USP31: variants seen among roughly 807,000 people sequenced by gnomAD.
USP31 encodes ubiquitin carboxyl-terminal hydrolase 31.
A neutral mutation model predicts 119.4 loss-of-function variants in USP31; 44 were observed. The observed-to-expected ratio is 0.37, with a 90% CI of 0.29 to 0.47. The LOEUF is 0.47. Among genes scored for constraint, USP31 ranks in the 20% least tolerant of loss-of-function variants. The pLI is 0.99. For synonymous variants in USP31, 749 were observed against 705.6 expected (o/e 1.06, Z -0.97); for missense variants, 1,643 against 1,730.2 (o/e 0.95, Z 0.89).
chr16:23,114,002 G>A (rs950698423), intron 1 of USP31, among the ~76,000 whole-genome samples: 4 of 152,058 alleles, frequency 2.6e-5, no homozygotes, highest in African/African-American at 9.7e-5. Flanking sequence ...CTATTTAGGC[G>A]ACTGAGGCAG....
chr16:23,100,377 T>C (rs766335753), intron 6 of USP31, among the ~76,000 whole-genome samples: 1 of 152,180 alleles, frequency 6.6e-6, no homozygotes, highest in African/African-American at 2.4e-5. Flanking sequence ...CATGAATGAA[T>C]CTTGAAAACA....
In USP31 at chr16:23,068,597, C is replaced by T. The variant is rs751323238; in HGVS notation, c.3508G>A (p.Ala1170Thr). 2.1e-5 allele frequency: 34 copies of T among 1,614,154 alleles called. No homozygotes were observed. The highest frequency in any genetic ancestry group is 1.4e-4 in the South Asian group (13 of 91,086). The change falls in exon 16 of 16, where the codon GCC becomes ACC. Residue 1170 changes from alanine to threonine, a missense_variant. Physicochemically the swap from Ala to Thr is moderately conservative, Grantham distance 58. This residue lies in a region of USP31 where 699 missense variants were observed against 650.9 expected (regional missense o/e 1.07). Transcript: ENST00000219689. ...RQSLGSDRAS[A>T]TSTSKPNSPR... ...GAATTGGGTTTGGAGGTGGAGGTGG[C>T]GCTGGCTCTGTCAGAACCCAAGCTT...
Position 23,084,424 on chromosome 16 carries a change from C to T in USP31, c.1830+436G>A, listed in dbSNP as rs1020941993. On this transcript the variant is annotated intron_variant, in intron 11 of 15. Transcript: ENST00000219689. ...AGCACTTGAAACATGACTAATGCAA[C>T]GAAGGAACTGAATTATTTACTTCAC... Among the ~76,000 whole-genome samples, 15 of 152,212 alleles carry T rather than the reference C, an allele frequency of 9.9e-5. No homozygotes were observed. In the East Asian group the frequency reaches 1.2e-3, roughly 12 times the overall value.
At chr16:23,148,521 G>T in intron 1 of USP31, 117 bp downstream of exon 1, 1 of 1,322,762 alleles carries the variant, frequency 7.6e-7, no homozygotes, top group Non-Finnish European at 9.7e-7. Flanking sequence ...CAGACCACTC[G>T]GAGCAACCAA....
chr16:23,089,006 A>T (rs1901234783), intron 7 of USP31, among the ~76,000 whole-genome samples: 1 of 152,206 alleles, frequency 6.6e-6, no homozygotes, highest in Non-Finnish European at 1.5e-5. Context: ...CTGCCTAAAA[A>T]CTACTGTGAG....
intron 6 of USP31, among the ~76,000 whole-genome samples, chr16:23,091,709 T>C (rs1230804931): frequency 6.6e-6 from 1 of 152,072 alleles, no homozygotes; most frequent in Non-Finnish European, 1.5e-5. Flanking sequence ...AAGTACATAG[T>C]TAATGCCAAT....
intron 15 of USP31, 66 bp from the exon 16 acceptor site, chr16:23,069,682 C>A: frequency 2.0e-6 from 3 of 1,512,848 alleles, no homozygotes; most frequent in Non-Finnish European, 2.7e-6. Flanking sequence ...CACTGTAAGA[C>A]ACTGAAGGTG....
chr16:23,100,793 C>A (rs1901818757), intron 6 of USP31, among the ~76,000 whole-genome samples: 1 of 152,012 alleles, frequency 6.6e-6, no homozygotes, highest in Admixed American at 6.6e-5. Context: ...TAGAGCTTGG[C>A]AGGATGGGGA....
At position 23,108,075 on chromosome 16, in the gene USP31, C is replaced by T. The variant is rs202002996; in HGVS notation, c.742G>A (p.Val248Met). 6.2e-7 allele frequency: 1 copy of T among 1,613,960 alleles called. No individual in the cohort carries two copies. The highest frequency in any genetic ancestry group is 1.7e-5 in the Admixed American group (1 of 59,966). ...DRVHEDLNHS[V>M]KQSGQPPLKP... ...AGAGGAGGCTGGCCACTCTGCTTCA[C>T]TGAATGGTTGAGGTCTTCATGAACT... Residue 248 changes from valine (V) to methionine (M), a missense_variant, in exon 2 of 16, where the codon GTG becomes ATG. Around this residue, in one of 5 missense-constraint regions of USP31, gnomAD observed 144 missense variants for 218.0 expected, o/e 0.66. Transcript: ENST00000219689.
intron 14 of USP31, among the ~76,000 whole-genome samples, chr16:23,073,357 G>C (rs559648000): frequency 6.6e-6 from 1 of 152,286 alleles, no homozygotes; most frequent in South Asian, 2.1e-4. Flanking sequence ...TATTACACCT[G>C]TATTATAGAT....
intron 15 of USP31, among the ~76,000 whole-genome samples, chr16:23,070,943 C>T (rs779400982): frequency 6.6e-5 from 10 of 152,148 alleles, no homozygotes; most frequent in Non-Finnish European, 1.0e-4. Context: ...ACCAACTGCA[C>T]TGCTTAAAAA....
rs769901313 is a variant in USP31, at chr16:23,085,543, TA to T, written c.1700+41del. On this transcript the variant is annotated intron_variant, in intron 10 of 15. Coordinates refer to ENST00000219689, the MANE Select transcript of USP31 (RefSeq NM_020718.4). ...AAAGGTGTGCTATAAAAATGATAAT[TA>T]AAACAATGTTTCTATAAACACTAAC... 5.8e-6 allele frequency: 9 copies of T among 1,541,116 alleles called. No homozygotes were observed. In the African/African-American group the frequency reaches 1.2e-4, roughly 21 times the overall value.
At chr16:23,139,187 G>C (rs1196146479) in intron 1 of USP31, among the ~76,000 whole-genome samples, 1 of 152,170 alleles carries the variant, frequency 6.6e-6, no homozygotes, top group Non-Finnish European at 1.5e-5. Context: ...TGGACCACCT[G>C]AGGTCAGGAG....
rs13332964 is a variant in USP31 at position 23,114,122 on chromosome 16, G to A, written c.634-5939C>T. Among the ~76,000 whole-genome samples the A allele has an allele frequency of 9.2e-3, 1,398 of 151,914 alleles. 18 individuals carry two copies. The highest frequency in any genetic ancestry group is 0.029 in the African/African-American group (1,212 of 41,410). ...CCTTACTCAAAAAAAAAAAAATGGT[G>A]ATTCTTTGGTAAGGGGAAAAGGAGA... is the stretch of plus-strand genomic sequence containing the variant. On this transcript the variant is annotated intron_variant, in intron 1 of 15. Transcript: ENST00000219689.
rs1276852369 is a variant in USP31 at position 23,125,044 on chromosome 16, T to C, written c.634-16861A>G. On this transcript the variant is annotated intron_variant, in intron 1 of 15. Coordinates refer to ENST00000219689, the MANE Select transcript of USP31 (RefSeq NM_020718.4). ...TATGGTGATATTTTGCAAGATCCTT[T>C]CCACACCTCTCTCCTACCAGCATCC... 2.6e-5 allele frequency among the ~76,000 whole-genome samples: 4 copies of C among 152,328 alleles called. No individual in the cohort carries two copies. In the South Asian group the frequency reaches 8.3e-4, roughly 32 times the overall value.
intron 1 of USP31, among the ~76,000 whole-genome samples, chr16:23,127,893 T>C (rs1002946393): frequency 6.6e-6 from 1 of 152,182 alleles, no homozygotes; most frequent in Admixed American, 6.5e-5. Context: ...ATATATGCTA[T>C]GGACAAAAAA....
chr16:23,129,680 T>G (rs570083080), intron 1 of USP31, among the ~76,000 whole-genome samples: 6 of 152,356 alleles, frequency 3.9e-5, no homozygotes, highest in Non-Finnish European at 7.3e-5. Context: ...AAAGGTTTTC[T>G]GAACATTTGG....
chr16:23,108,178 A>G lies in USP31; in HGVS notation c.639T>C (p.Ile213=). The part of the protein sequence containing the change: ...TPQHSRDFKT[I]VSKNALQYRG... ...GGTACTGCAGTGCATTCTTTGACAC[A>G]ATAGTCTATGCAGGTAAATAAATCA... Residue 213 remains isoleucine, a synonymous_variant, in exon 2 of 16, where the codon ATT becomes ATC. Coordinates refer to ENST00000219689, the MANE Select transcript of USP31 (RefSeq NM_020718.4). The G allele has an allele frequency of 1.2e-6, 2 of 1,611,746 alleles. No individual in the cohort carries two copies. The highest frequency in any genetic ancestry group is 1.7e-6 in the Non-Finnish European group (2 of 1,179,098).
At chr16:23,119,836 C>T (rs1179629951) in intron 1 of USP31, among the ~76,000 whole-genome samples, 1 of 152,110 alleles carries the variant, frequency 6.6e-6, no homozygotes, top group Non-Finnish European at 1.5e-5. Flanking sequence ...AGCAAACACA[C>T]CAGAGACAAA....
Sources: allele counts gnomAD v4.1 joint callset (sites outside exome capture counted in the v4.1 genomes callset), GRCh38; gene constraint gnomAD v4.1.1; regional missense constraint gnomAD v4.1.1; transcripts MANE v1.5; gene names NCBI Gene and HGNC (gene_info 2026-07-23, HGNC 2026-07-21).